Variants in PIK3C2G observed in about 807,000 individuals in gnomAD.
PIK3C2G encodes phosphatidylinositol-4-phosphate 3-kinase catalytic subunit type 2 gamma, also known as phosphatidylinositol 3-kinase C2 domain-containing subunit gamma.
PIK3C2G carries 168 observed loss-of-function variants against 181.1 expected under a neutral mutation model. The ratio of observed to expected loss-of-function variants is 0.93; its 90% CI spans 0.82 to 1.05. The LOEUF is 1.05. Ranked by LOEUF, PIK3C2G falls within the 50% of genes least tolerant of loss-of-function variation. The pLI is 0.00. For missense variants in PIK3C2G, 1,869 were observed against 1,732.8 expected (o/e 1.08, Z -1.40); for synonymous variants, 573 against 592.2 (o/e 0.97, Z 0.47).
intron 6 of PIK3C2G, 112 bp from the exon 7 acceptor site, chr12:18,320,850 G>A (rs191383750): frequency 6.3e-4 from 415 of 653,674 alleles, no homozygotes; most frequent in Non-Finnish European, 8.5e-4. Context: ...AGCGATGAAT[G>A]AGGTTTATCA....
intron 17 of PIK3C2G, among the ~76,000 whole-genome samples, 162 bp from the exon 18 acceptor site, chr12:18,423,783 A>T (rs1945623489): frequency 6.6e-6 from 1 of 152,216 alleles, no homozygotes; most frequent in South Asian, 2.1e-4. Flanking sequence ...GTGTTTTGTT[A>T]TTAGTCATAT....
intron 26 of PIK3C2G, among the ~76,000 whole-genome samples, chr12:18,552,135 G>T (rs1421672337): frequency 6.6e-6 from 1 of 152,058 alleles, no homozygotes; most frequent in African/African-American, 2.4e-5. Context: ...AATGTGGATG[G>T]CATCCCGAGA....
At chr12:18,433,239 G>A (rs1324783877) in intron 18 of PIK3C2G, among the ~76,000 whole-genome samples, 1 of 152,142 alleles carries the variant, frequency 6.6e-6, no homozygotes, top group Non-Finnish European at 1.5e-5. Context: ...ATGTGTCCCG[G>A]CGTGGTGGCT....
At chr12:18,536,930 G>A (rs966762098) in intron 24 of PIK3C2G, among the ~76,000 whole-genome samples, 2 of 152,004 alleles carry the variant, frequency 1.3e-5, no homozygotes, top group African/African-American at 4.8e-5. Context: ...CAGAAGTGAA[G>A]GTACTGGTAT....
At chr12:18,717,911 C>A in the PIK3C2G span, among the ~76,000 whole-genome samples, 1 of 152,120 alleles carries the variant, frequency 6.6e-6, no homozygotes, top group East Asian at 1.9e-4. Flanking sequence ...TTGGTCATTT[C>A]CCAAGCTAGC....
upstream of PIK3C2G, among the ~76,000 whole-genome samples, chr12:18,246,887 C>T (rs143277070): frequency 8.8e-4 from 134 of 152,126 alleles, no homozygotes; most frequent in African/African-American, 3.1e-3. Flanking sequence ...TATAAGAAGA[C>T]GAATACTATC....
chr12:18,334,441 TTTC>T (rs1938315254), intron 8 of PIK3C2G, among the ~76,000 whole-genome samples: 1 of 152,124 alleles, frequency 6.6e-6, no homozygotes, highest in African/African-American at 2.4e-5. Flanking sequence ...ATGTTTTATT[TTTC>T]TTCTTTTTTG....
Position 18,371,302 on chromosome 12 carries a change from T to C in PIK3C2G, c.1871T>C (p.Phe624Ser), listed in dbSNP as rs1219842186. 6.2e-7 allele frequency: 1 copy of C among 1,607,652 alleles called. No homozygotes were observed. The highest frequency in any genetic ancestry group is 1.1e-5 in the South Asian group (1 of 89,294). ...CTGGCGTGGACTTGTCTTCCACTGT[T>C]TCCAAAAGAGTAAGTGTATCAATTG... ...NLLAWTCLPL[F>S]PKEKSILGSM... The change falls in exon 13 of 33, where the codon TTT becomes TCT. Residue 624 changes from phenylalanine to serine, a missense_variant. Physicochemically the swap from Phe to Ser is radical, Grantham distance 155 (BLOSUM62 -2). Coordinates refer to ENST00000538779, the MANE Select transcript of PIK3C2G (RefSeq NM_001288772.2).
At chr12:18,679,998 T>C in the PIK3C2G span, among the ~76,000 whole-genome samples, 465 of 152,104 alleles carry the variant, frequency 3.1e-3, 3 homozygotes, top group African/African-American at 9.8e-3. Flanking sequence ...ATGAATCCTA[T>C]AGAATGCTCA....
chr12:18,589,450 T>C (rs1946959283), intron 29 of PIK3C2G, among the ~76,000 whole-genome samples: 1 of 151,354 alleles, frequency 6.6e-6, no homozygotes, highest in African/African-American at 2.4e-5. Context: ...TTTTTCTTTG[T>C]TAAAATAAAT....
Position 18,282,433 on chromosome 12 carries a change from C to T in PIK3C2G, c.352C>T (p.Gln118Ter). ...GFSPSVLPKPQNTNKECSWGS... is the reference protein window; with the variant it reads ...GFSPSVLPKP ...TAGTCCTTCTGTGTTACCAAAACCT[C>T]AAAATACGAATAAAGAATGCTCCTG... Residue 118 changes from glutamine (Q) to a stop codon, truncating the protein, a stop_gained, in exon 2 of 33, where the codon CAA (glutamine) becomes TAA (stop). Coordinates refer to ENST00000538779, the MANE Select transcript of PIK3C2G (RefSeq NM_001288772.2). LOFTEE classifies it high-confidence loss of function. 6.2e-7 allele frequency: 1 copy of T among 1,611,764 alleles called. No individual in the cohort carries two copies. Among genetic ancestry groups the T allele is most frequent in the Non-Finnish European group, 8.5e-7 (1 of 1,178,694 alleles).
intron 3 of PIK3C2G, among the ~76,000 whole-genome samples, chr12:18,287,810 G>T (rs1257111605): frequency 6.6e-6 from 1 of 151,296 alleles, no homozygotes; most frequent in Non-Finnish European, 1.5e-5. Context: ...CTTGCAGTGA[G>T]CTGTCACATC....
At chr12:18,526,743 C>A (rs753129892) in intron 24 of PIK3C2G, among the ~76,000 whole-genome samples, 16 of 152,122 alleles carry the variant, frequency 1.1e-4, no homozygotes, top group Non-Finnish European at 1.9e-4. Context: ...CTACACCTCA[C>A]ATTTAAATAG....
chr12:18,661,230 A>G, the PIK3C2G span, among the ~76,000 whole-genome samples: 1 of 152,176 alleles, frequency 6.6e-6, no homozygotes, highest in Non-Finnish European at 1.5e-5. Context: ...CAAAGGGATT[A>G]TTTGAAGAAA....
chr12:18,481,340 T>C (rs1167081133), intron 18 of PIK3C2G, among the ~76,000 whole-genome samples: 1 of 152,098 alleles, frequency 6.6e-6, no homozygotes, highest in Non-Finnish European at 1.5e-5. Flanking sequence ...GTGAGATGAA[T>C]GTAAGGAGCT....
intron 8 of PIK3C2G, among the ~76,000 whole-genome samples, chr12:18,334,062 A>G (rs1938259354): frequency 6.6e-6 from 1 of 152,180 alleles, no homozygotes; most frequent in Non-Finnish European, 1.5e-5. Flanking sequence ...GGACACATCC[A>G]ATATTTCCAA....
chr12:18,591,663 A>G (rs1013645468), intron 29 of PIK3C2G, among the ~76,000 whole-genome samples: 1 of 151,974 alleles, frequency 6.6e-6, no homozygotes, highest in Non-Finnish European at 1.5e-5. Context: ...AGTCAAGAGC[A>G]GTCTTACAAG....
At chr12:18,314,116 C>A in intron 6 of PIK3C2G, 52 bp downstream of exon 6, 2 of 877,526 alleles carry the variant, frequency 2.3e-6, no homozygotes, top group African/African-American at 1.7e-5. Context: ...GTTTTAAGGA[C>A]AATATTTCTA....
chr12:18,600,487 C>A (rs981594277), intron 30 of PIK3C2G, among the ~76,000 whole-genome samples: 2 of 151,788 alleles, frequency 1.3e-5, no homozygotes, highest in Non-Finnish European at 2.9e-5. Context: ...AAGTAGACTT[C>A]AAATAGTTAG....
Sources: allele counts gnomAD v4.1 joint callset (sites outside exome capture counted in the v4.1 genomes callset), GRCh38; gene constraint gnomAD v4.1.1; transcripts MANE v1.5; gene names NCBI Gene and HGNC (gene_info 2026-07-23, HGNC 2026-07-21).